The following PLCZ1 variants were observed in gnomAD, a reference collection of about 807,000 sequenced individuals.
The protein encoded by PLCZ1 is 1-phosphatidylinositol 4,5-bisphosphate phosphodiesterase zeta-1.
PLCZ1 carries 64 observed loss-of-function variants against 76.8 expected under a neutral mutation model. The ratio of observed to expected loss-of-function variants is 0.83; its 90% confidence interval spans 0.68 to 1.03. The LOEUF is 1.03. Among genes scored for constraint, PLCZ1 ranks in the 50% least tolerant of loss-of-function variants. PLCZ1 has a pLI of 0.00. For synonymous variants in PLCZ1, 248 were observed against 230.8 expected (o/e 1.07, Z -0.68); for missense variants, 751 against 713.7 (o/e 1.05, Z -0.60).
chr12:18,677,741 A>G, the PLCZ1 span, among the ~76,000 whole-genome samples: 1 of 152,096 alleles, frequency 6.6e-6, no homozygotes, highest in Non-Finnish European at 1.5e-5. Context: ...TAAGGTTAAG[A>G]ACAACTGGTC....
intron 2 of PLCZ1, chr12:18,736,602 A>T: frequency 1.0e-6 from 1 of 952,772 alleles, no homozygotes; most frequent in Non-Finnish European, 1.4e-6. Context: ...AATTGAAGTC[A>T]TTACTTAGAA....
chr12:18,671,346 A>G, the PLCZ1 span, among the ~76,000 whole-genome samples: 1 of 152,134 alleles, frequency 6.6e-6, no homozygotes, highest in Non-Finnish European at 1.5e-5. Flanking sequence ...TGAATCCACA[A>G]TCGAGTAAGT....
At chr12:18,674,481 T>C in the PLCZ1 span, among the ~76,000 whole-genome samples, 1 of 152,218 alleles carries the variant, frequency 6.6e-6, no homozygotes, top group Non-Finnish European at 1.5e-5. Context: ...CTATGAATTT[T>C]TTGGACAAAT....
the PLCZ1 span, among the ~76,000 whole-genome samples, chr12:18,650,605 C>G: frequency 1.4e-5 from 2 of 145,844 alleles, no homozygotes; most frequent in East Asian, 4.1e-4. Flanking sequence ...GATATGAGAG[C>G]TGATACGGGC....
At chr12:18,718,792 C>G (rs561699687) in intron 5 of PLCZ1, among the ~76,000 whole-genome samples, 2 of 152,296 alleles carry the variant, frequency 1.3e-5, no homozygotes, top group Admixed American at 1.3e-4. Context: ...ATCTGTCTAT[C>G]TGCTTGTACA....
intron 12 of PLCZ1, chr12:18,694,031 T>C: frequency 2.8e-6 from 4 of 1,449,762 alleles, no homozygotes; most frequent in Non-Finnish European, 3.9e-6. Flanking sequence ...AAATGAAGAC[T>C]TCAAAAAATC....
chr12:18,694,470 G>A (rs1285588060), intron 12 of PLCZ1, among the ~76,000 whole-genome samples: 1 of 152,052 alleles, frequency 6.6e-6, no homozygotes, highest in African/African-American at 2.4e-5. Context: ...CAGACATATG[G>A]GGGGAAGAAT....
At position 18,694,053 on chromosome 12, in the gene PLCZ1, T is replaced by C. The variant is rs550332283; in HGVS notation, c.1461+857A>G. The C allele has an allele frequency of 2.1e-5, 29 of 1,364,622 alleles. No homozygotes were observed. The South Asian group carries it at 2.9e-4, about 14-fold the overall frequency. 84.5% of individuals were successfully genotyped at this position (1,364,622 alleles called of 1,614,324 possible). ...GACTTCAAAAAATCTAAAGAAAATG[T>C]TCTTTATAAGAAACAGGAAGACACC... On this transcript the variant is annotated intron_variant, in intron 12 of 14. Transcript: ENST00000266505.
chr12:18,651,344 G>T, the PLCZ1 span, among the ~76,000 whole-genome samples: 1 of 152,036 alleles, frequency 6.6e-6, no homozygotes, highest in African/African-American at 2.4e-5. Context: ...GTTGCAAGCT[G>T]CCCTGTCCCT....
chr12:18,691,943 G>T (rs1954151804), intron 12 of PLCZ1, among the ~76,000 whole-genome samples: 1 of 152,158 alleles, frequency 6.6e-6, no homozygotes, highest in Non-Finnish European at 1.5e-5. Flanking sequence ...CTGGAAAACA[G>T]CTCTCAATCC....
At chr12:18,650,704 GTATATATCTATATATATATATATA>G in the PLCZ1 span, among the ~76,000 whole-genome samples, 22 of 57,784 alleles carry the variant, frequency 3.8e-4, 1 homozygote, top group African/African-American at 1.1e-3. Context: ...GTGTGTGTGT[GTATATATCTATATATATATATATA>G]TATATATATA....
Position 18,737,665 on chromosome 12 carries a change from C to T in PLCZ1, c.-138-156G>A. 5 of 521,430 alleles carry T rather than the reference C, an allele frequency of 9.6e-6. No homozygotes were observed. In the South Asian group the frequency reaches 1.1e-4, roughly 12 times the overall value. The allele number at this position is 521,430 out of a possible 1,614,324, so 32.3% of individuals were successfully genotyped here. ...TCTTACGTTCTGACCACCTCCAAAC[C>T]CACAATATTTGAAAACACAGCTTTC... is the stretch of plus-strand genomic sequence containing the variant. On this transcript the variant is annotated intron_variant, in intron 1 of 14. Transcript: ENST00000266505.
At chr12:18,723,793 G>A (rs545734585) in intron 3 of PLCZ1, among the ~76,000 whole-genome samples, 2 of 152,166 alleles carry the variant, frequency 1.3e-5, no homozygotes, top group African/African-American at 4.8e-5. Flanking sequence ...AGGATTCCAG[G>A]TTGTCTTTCA....
At position 18,683,335 on chromosome 12, in the gene PLCZ1, A is replaced by C. The variant is rs1565641795; in HGVS notation, c.1742-11T>G. ...GAATACGACGATAACCTGCAAAAGG[A>C]ATTATATCTAATTAGACCAATAACC... is the stretch of plus-strand genomic sequence containing the variant. On this transcript the variant is annotated splice_polypyrimidine_tract_variant and intron_variant, in intron 14 of 14. Transcript: ENST00000266505. 1.2e-6 allele frequency: 2 copies of C among 1,610,296 alleles called. No homozygotes were observed. The highest frequency in any genetic ancestry group is 1.6e-4 in the Middle Eastern group (1 of 6,066).
the PLCZ1 span, among the ~76,000 whole-genome samples, chr12:18,674,497 G>A: frequency 6.6e-6 from 1 of 152,124 alleles, no homozygotes; most frequent in South Asian, 2.1e-4. Context: ...CAAATAAATT[G>A]AGCAAATACA....
At chr12:18,679,061 C>T (rs1323600861), downstream of PLCZ1, among the ~76,000 whole-genome samples, 1 of 152,010 alleles carries the variant, frequency 6.6e-6, no homozygotes, top group African/African-American at 2.4e-5. Context: ...TGTTAAGTTG[C>T]CTTTCTCTGA....
chr12:18,672,373 A>G, the PLCZ1 span, among the ~76,000 whole-genome samples: 1 of 152,096 alleles, frequency 6.6e-6, no homozygotes, highest in African/African-American at 2.4e-5. Flanking sequence ...GTTTACTTTT[A>G]CTCATTATGT....
chr12:18,685,883 G>A (rs1001719101), intron 13 of PLCZ1, among the ~76,000 whole-genome samples: 1 of 134,732 alleles, frequency 7.4e-6, no homozygotes, highest in African/African-American at 2.6e-5. Flanking sequence ...CAATAATATG[G>A]ATTAATTATA....
At chr12:18,700,198 C>T (rs1002725819) in intron 9 of PLCZ1, among the ~76,000 whole-genome samples, 2 of 151,908 alleles carry the variant, frequency 1.3e-5, no homozygotes, top group Non-Finnish European at 2.9e-5. Flanking sequence ...ACAATTATTA[C>T]TATTTATTTT....
Sources: allele counts gnomAD v4.1 joint callset (sites outside exome capture counted in the v4.1 genomes callset), GRCh38; gene constraint gnomAD v4.1.1; transcripts MANE v1.5; gene names NCBI Gene and HGNC (gene_info 2026-07-23, HGNC 2026-07-21).